Variants in SGCZ observed in about 807,000 individuals in gnomAD.
SGCZ encodes zeta-sarcoglycan.
A neutral mutation model predicts 41.3 loss-of-function variants in SGCZ; 40 were observed. The observed-to-expected ratio is 0.97, with a 90% CI of 0.75 to 1.26. SGCZ has a LOEUF of 1.26. Ranked by LOEUF, SGCZ falls within the 50% of genes most tolerant of loss-of-function variation. The pLI, the probability that SGCZ is intolerant of heterozygous loss-of-function variation, is 0.00. For synonymous variants in SGCZ, 206 were observed against 137.5 expected, an observed-to-expected ratio of 1.50 and a Z score of -3.49; for missense variants, 552 against 369.8, an observed-to-expected ratio of 1.49 and a Z score of -4.04.
intron 1 of SGCZ, among the ~76,000 whole-genome samples, chr8:14,773,029 C>T (rs1189075609): frequency 2.6e-5 from 4 of 152,224 alleles, no homozygotes; most frequent in East Asian, 1.9e-4. Context: ...GTTGAACTAG[C>T]TTACAGTCCC....
At chr8:14,288,553 C>T (rs1049968468) in intron 3 of SGCZ, among the ~76,000 whole-genome samples, 21 of 152,108 alleles carry the variant, frequency 1.4e-4, no homozygotes, top group Non-Finnish European at 1.8e-4. Flanking sequence ...TTTGGTCAGA[C>T]TTTCACTTAG....
intron 1 of SGCZ, among the ~76,000 whole-genome samples, chr8:14,672,352 TTGGTC>T (rs1257650962): frequency 1.2e-4 from 19 of 152,292 alleles, no homozygotes; most frequent in African/African-American, 4.6e-4. Context: ...TATTTGCTGA[TTGGTC>T]AGATGTGCGA....
intron 5 of SGCZ, among the ~76,000 whole-genome samples, chr8:14,112,821 A>G (rs970935809): frequency 7.9e-5 from 12 of 152,278 alleles, no homozygotes; most frequent in Admixed American, 2.0e-4. Flanking sequence ...TTGTATACTA[A>G]TAACTCTTCT....
intron 4 of SGCZ, among the ~76,000 whole-genome samples, chr8:14,236,022 T>G (rs1193069367): frequency 6.6e-6 from 1 of 152,180 alleles, no homozygotes; most frequent in African/African-American, 2.4e-5. Flanking sequence ...GAACTTCTTT[T>G]TATATCAAGG....
chr8:14,890,166 G>C (rs1011984282), intron 1 of SGCZ, among the ~76,000 whole-genome samples: 2 of 151,614 alleles, frequency 1.3e-5, no homozygotes, highest in African/African-American at 4.9e-5. Flanking sequence ...GCAGTGAGCA[G>C]AGATTGCACC....
chr8:15,090,676 T>C (rs1806124387), intron 1 of SGCZ, among the ~76,000 whole-genome samples: 3 of 152,064 alleles, frequency 2.0e-5, no homozygotes, highest in South Asian at 4.1e-4. Flanking sequence ...AGGTGGGAAG[T>C]AGGAAGGTAA....
intron 2 of SGCZ, among the ~76,000 whole-genome samples, chr8:14,526,679 T>C (rs2117114152): frequency 6.6e-6 from 1 of 152,302 alleles, no homozygotes; most frequent in East Asian, 1.9e-4. Flanking sequence ...TCAGTAAAGC[T>C]GTTGACTGTT....
Position 14,162,290 on chromosome 8 carries a change from C to T in SGCZ, c.547+2290G>A, listed in dbSNP as rs992281654. 2.0e-5 allele frequency among the ~76,000 whole-genome samples: 3 copies of T among 152,214 alleles called. No homozygotes were observed. The East Asian group carries it at 5.8e-4, about 29-fold the overall frequency. On this transcript the variant is annotated intron_variant, in intron 5 of 7. Coordinates refer to ENST00000382080, the MANE Select transcript of SGCZ (RefSeq NM_139167.4). ...ATTGTAAAGTACCCAATGAGAATAT[C>T]GGAATATGGATTAAATAAATTTTTG... is the stretch of plus-strand genomic sequence containing the variant.
At chr8:15,124,879 A>G (rs1403160501) in intron 1 of SGCZ, among the ~76,000 whole-genome samples, 2 of 152,196 alleles carry the variant, frequency 1.3e-5, no homozygotes, top group Non-Finnish European at 2.9e-5. Context: ...AAAGATCCAA[A>G]AATCTTGCTT....
At chr8:14,459,178 A>C (rs890784076) in intron 2 of SGCZ, among the ~76,000 whole-genome samples, 2 of 152,160 alleles carry the variant, frequency 1.3e-5, no homozygotes, top group Admixed American at 6.5e-5. Context: ...CAAAAAACCA[A>C]ACACCGCATG....
intron 5 of SGCZ, among the ~76,000 whole-genome samples, chr8:14,160,303 A>G (rs1430648371): frequency 6.6e-6 from 1 of 152,238 alleles, no homozygotes; most frequent in Admixed American, 6.5e-5. Flanking sequence ...TAAAGTTAAT[A>G]TACTATGTGG....
chr8:14,802,118 G>C (rs1376881091), intron 1 of SGCZ, among the ~76,000 whole-genome samples: 4 of 152,144 alleles, frequency 2.6e-5, no homozygotes, highest in African/African-American at 9.7e-5. Flanking sequence ...TTAGCCAGAA[G>C]GTTGAAAATC....
intron 1 of SGCZ, among the ~76,000 whole-genome samples, chr8:14,806,079 CA>C (rs1801515647): frequency 1.3e-5 from 2 of 150,752 alleles, no homozygotes; most frequent in South Asian, 4.2e-4. Flanking sequence ...GCATTCAAAG[CA>C]GTGTGTAGAG....
intron 1 of SGCZ, among the ~76,000 whole-genome samples, chr8:15,106,324 CA>C (rs1806823871): frequency 6.6e-6 from 1 of 152,004 alleles, no homozygotes; most frequent in African/African-American, 2.4e-5. Context: ...AGAACATTTA[CA>C]TATTAACACT....
At chr8:15,011,652 C>T (rs572771357) in intron 1 of SGCZ, among the ~76,000 whole-genome samples, 8 of 152,228 alleles carry the variant, frequency 5.3e-5, no homozygotes, top group Non-Finnish European at 7.4e-5. Flanking sequence ...TCATGTATTA[C>T]TACTATCTAA....
At chr8:14,806,639 T>C (rs1330818033) in intron 1 of SGCZ, among the ~76,000 whole-genome samples, 1 of 152,016 alleles carries the variant, frequency 6.6e-6, no homozygotes, top group East Asian at 1.9e-4. Flanking sequence ...CACAGCCGAA[T>C]TCTACCAGAG....
At chr8:14,215,336 A>G (rs372677831) in intron 4 of SGCZ, among the ~76,000 whole-genome samples, 7 of 152,158 alleles carry the variant, frequency 4.6e-5, no homozygotes, top group Non-Finnish European at 7.4e-5. Context: ...AAAATCTAAG[A>G]AATAAAAATG....
chr8:14,222,829 T>C (rs1252272282), intron 4 of SGCZ, among the ~76,000 whole-genome samples: 3 of 76,774 alleles, frequency 3.9e-5, no homozygotes, highest in Non-Finnish European at 7.5e-5. Context: ...TTTTTTTTTT[T>C]TGAGGCAGAG....
intron 1 of SGCZ, among the ~76,000 whole-genome samples, chr8:14,780,228 A>G (rs1272491105): frequency 6.6e-6 from 1 of 151,960 alleles, no homozygotes; most frequent in African/African-American, 2.4e-5. Context: ...CAAAAAAATT[A>G]GCCTGGTGTG....
Sources: allele counts gnomAD v4.1 joint callset (sites outside exome capture counted in the v4.1 genomes callset), GRCh38; gene constraint gnomAD v4.1.1; transcripts MANE v1.5; gene names NCBI Gene and HGNC (gene_info 2026-07-23, HGNC 2026-07-21).